Variants in ALG6 observed in about 807,000 individuals in gnomAD.
ALG6 encodes dolichyl pyrophosphate Man9GlcNAc2 alpha-1,3-glucosyltransferase.
ALG6 carries 46 observed loss-of-function variants against 66.6 expected under a neutral mutation model. The observed-to-expected ratio is 0.69, with a 90% CI of 0.55 to 0.88. The LOEUF (loss-of-function observed/expected upper bound fraction) is 0.88. Among genes scored for constraint, ALG6 ranks in the 40% least tolerant of loss-of-function variants. The pLI is 0.00. For missense variants in ALG6, 505 were observed against 586.8 expected, an observed-to-expected ratio of 0.86 and a Z score of 1.44; for synonymous variants, 185 against 203.7, an observed-to-expected ratio of 0.91 and a Z score of 0.78.
chr1:63,391,448 TG>T (rs1648671259), intron 2 of ALG6, among the ~76,000 whole-genome samples: 2 of 152,208 alleles, frequency 1.3e-5, no homozygotes, highest in South Asian at 4.1e-4. Flanking sequence ...TTGGTTCCTC[TG>T]GGTATCCTTT....
intron 14 of ALG6, among the ~76,000 whole-genome samples, chr1:63,430,909 A>AT (rs945933753): frequency 6.6e-6 from 1 of 151,810 alleles, no homozygotes; most frequent in Non-Finnish European, 1.5e-5. Flanking sequence ...CAGTATATCT[A>AT]TTTTTTTCTT....
intron 3 of ALG6, among the ~76,000 whole-genome samples, chr1:63,398,242 A>G (rs1174464990): frequency 1.3e-5 from 2 of 152,186 alleles, no homozygotes; most frequent in Admixed American, 6.5e-5. Context: ...TTTCAAATGG[A>G]AGAGGAACTC....
At chr1:63,432,244 A>T (rs575978731) in intron 14 of ALG6, among the ~76,000 whole-genome samples, 1 of 137,436 alleles carries the variant, frequency 7.3e-6, no homozygotes, top group South Asian at 2.5e-4. Context: ...CTTTTTCTGC[A>T]TCTTTGGTCA....
intron 11 of ALG6, among the ~76,000 whole-genome samples, chr1:63,416,514 T>TTG (rs1168477372): frequency 6.6e-6 from 1 of 152,094 alleles, no homozygotes; most frequent in East Asian, 1.9e-4. Context: ...TGTGTGAGTT[T>TTG]TGTGTGTATG....
chr1:63,373,695 C>G (rs1367365855), intron 2 of ALG6, among the ~76,000 whole-genome samples: 1 of 144,308 alleles, frequency 6.9e-6, no homozygotes, highest in Non-Finnish European at 1.5e-5. Context: ...GGGTCTCCCC[C>G]TGTTGCCCAG....
chr1:63,391,239 T>C (rs1397538254), intron 2 of ALG6, among the ~76,000 whole-genome samples: 2 of 152,192 alleles, frequency 1.3e-5, no homozygotes, highest in Non-Finnish European at 2.9e-5. Flanking sequence ...AAAAGACAGA[T>C]TAACAAGACA....
At chr1:63,431,389 G>C (rs1190014897) in intron 14 of ALG6, among the ~76,000 whole-genome samples, 1 of 152,144 alleles carries the variant, frequency 6.6e-6, no homozygotes, top group Middle Eastern at 3.2e-3. Flanking sequence ...GATAGGGACT[G>C]AGTCGATTCT....
At chr1:63,375,123 C>T (rs1022704718) in intron 2 of ALG6, among the ~76,000 whole-genome samples, 3 of 152,082 alleles carry the variant, frequency 2.0e-5, no homozygotes, top group African/African-American at 7.2e-5. Context: ...ATTGCTTGAA[C>T]CCGGGAGGCG....
At chr1:63,388,116 ACCATGTTGG>A (rs1202313928) in intron 2 of ALG6, among the ~76,000 whole-genome samples, 1 of 150,434 alleles carries the variant, frequency 6.6e-6, no homozygotes, top group Non-Finnish European at 1.5e-5. Flanking sequence ...ACGAGTTTTC[ACCATGTTGG>A]CCACGCTGGT....
chr1:63,389,894 A>G (rs1328270648), intron 2 of ALG6, among the ~76,000 whole-genome samples: 1 of 152,192 alleles, frequency 6.6e-6, no homozygotes, highest in Admixed American at 6.5e-5. Flanking sequence ...TTACCAGACA[A>G]AGACTCTTGT....
At chr1:63,406,954 T>C (rs1313838361) in intron 6 of ALG6, 108 bp from the exon 7 acceptor site, 2 of 810,984 alleles carry the variant, frequency 2.5e-6, no homozygotes, top group Admixed American at 1.9e-5. Flanking sequence ...GTGTGACACC[T>C]CTGGAAAAGG....
chr1:63,431,606 C>T (rs1644645892), intron 14 of ALG6, among the ~76,000 whole-genome samples: 1 of 152,104 alleles, frequency 6.6e-6, no homozygotes, highest in Non-Finnish European at 1.5e-5. Flanking sequence ...CGGAGTTTCA[C>T]CATGAATATT....
At chr1:63,421,565 C>T (rs919513142) in intron 12 of ALG6, among the ~76,000 whole-genome samples, 1 of 152,150 alleles carries the variant, frequency 6.6e-6, no homozygotes, top group Non-Finnish European at 1.5e-5. Context: ...TATAAAGACA[C>T]ATGCACATGT....
chr1:63,404,065 G>T (rs776831746), intron 4 of ALG6, among the ~76,000 whole-genome samples: 1 of 152,086 alleles, frequency 6.6e-6, no homozygotes, highest in Admixed American at 6.5e-5. Flanking sequence ...GCTGTTTATT[G>T]TAGCCAATTG....
intron 2 of ALG6, among the ~76,000 whole-genome samples, chr1:63,381,918 G>A (rs955998974): frequency 6.6e-6 from 1 of 152,030 alleles, no homozygotes; most frequent in East Asian, 1.9e-4. Flanking sequence ...AGCTGCAGTA[G>A]AGTGACTATT....
chr1:63,429,877 G>GTGTGTGTA (rs1644636722), intron 14 of ALG6: 1 of 152,348 alleles, frequency 6.6e-6, no homozygotes, highest in Non-Finnish European at 1.5e-5. Context: ...GTGTGTGTGT[G>GTGTGTGTA]TGTGTGTATT....
rs1274865381 is a variant in ALG6, at chr1:63,428,998, G to A, written c.1198G>A (p.Ala400Thr). The change falls in exon 14 of 15, where the codon GCT (alanine) becomes ACT (threonine). Residue 400 changes from alanine to threonine, a missense_variant. Transcript: ENST00000263440. The stretch of plus-strand genomic sequence containing the variant: ...TGTGACAACAATGGCATTTTTTATA[G>A]CTTGTGTAACTTCCTTTTCAATATT... ...SVVTTMAFFI[A>T]CVTSFSIFEK... 1 of 1,612,300 alleles carries A rather than the reference G, an allele frequency of 6.2e-7. No individual in the cohort carries two copies. The highest frequency in any genetic ancestry group is 1.1e-5 in the South Asian group (1 of 90,454).
chr1:63,382,834 C>T (rs1648371988), intron 2 of ALG6, among the ~76,000 whole-genome samples: 1 of 151,952 alleles, frequency 6.6e-6, no homozygotes, highest in South Asian at 2.1e-4. Context: ...TGCCACCACA[C>T]CCAGCTCATT....
At chr1:63,399,678 A>AT (rs1227152213) in intron 3 of ALG6, among the ~76,000 whole-genome samples, 1 of 151,632 alleles carries the variant, frequency 6.6e-6, no homozygotes, top group African/African-American at 2.4e-5. Flanking sequence ...CAGGCTAAAA[A>AT]TTTTTTTCTT....
Sources: gnomAD v4.1 joint callset for allele counts (sites outside exome capture counted in the v4.1 genomes callset) on GRCh38, gnomAD v4.1.1 for gene constraint, MANE v1.5 for transcripts, NCBI Gene and HGNC (gene_info 2026-07-23, HGNC 2026-07-21) for gene names.